The following HSF5 variants were observed in gnomAD, a reference collection of about 807,000 sequenced individuals.
HSF5 encodes the protein heat shock factor protein 5.
A neutral mutation model predicts 50.8 loss-of-function variants in HSF5; 5 were observed. That is an observed-to-expected ratio of 0.10 (90% CI 0.05 to 0.21). The LOEUF (loss-of-function observed/expected upper bound fraction) is 0.21. Ranked by LOEUF, HSF5 falls within the 10% of genes least tolerant of loss-of-function variation. HSF5 has a pLI of 1.00. For missense variants in HSF5, 564 were observed against 762.6 expected (o/e 0.74, Z 3.07); for synonymous variants, 307 against 307.4 (o/e 1.00, Z 0.02).
chr17:58,480,330 A>G (rs1206421944), intron 1 of HSF5, 63 bp from the exon 2 acceptor site: 55 of 1,479,216 alleles, frequency 3.7e-5, no homozygotes, highest in Non-Finnish European at 4.3e-5. Context: ...ATAGTAAACC[A>G]AAGGTCATAA....
chr17:58,439,201 C>T (rs1352402623), intron 5 of HSF5, among the ~76,000 whole-genome samples: 1 of 150,028 alleles, frequency 6.7e-6, no homozygotes, highest in Non-Finnish European at 1.5e-5. Context: ...CAACAGTTGA[C>T]AAATCTTGTC....
intron 2 of HSF5, among the ~76,000 whole-genome samples, chr17:58,471,984 G>A (rs979731238): frequency 7.3e-5 from 11 of 151,700 alleles, no homozygotes; most frequent in Admixed American, 2.0e-4. Context: ...CTCCCAAGTA[G>A]CTGGGACTAC....
intron 5 of HSF5, among the ~76,000 whole-genome samples, chr17:58,437,171 C>A (rs772519986): frequency 2.0e-5 from 3 of 152,084 alleles, no homozygotes; most frequent in Non-Finnish European, 4.4e-5. Context: ...ATGGACAAGT[C>A]TGGAATTACA....
chr17:58,463,441 A>G (rs910119105), intron 3 of HSF5, 138 bp from the exon 4 acceptor site: 1 of 688,474 alleles, frequency 1.5e-6, no homozygotes, highest in Middle Eastern at 4.1e-4. Flanking sequence ...CTAGACACTA[A>G]TCTACTTTTC....
chr17:58,485,859 G>T (rs12936949), intron 1 of HSF5, among the ~76,000 whole-genome samples: 1 of 149,986 alleles, frequency 6.7e-6, no homozygotes, highest in Non-Finnish European at 1.5e-5. Flanking sequence ...CTGAGGTCAG[G>T]AGTTCAAAAC....
At chr17:58,466,084 T>C (rs2143787166) in intron 3 of HSF5, among the ~76,000 whole-genome samples, 1 of 152,284 alleles carries the variant, frequency 6.6e-6, no homozygotes, top group East Asian at 1.9e-4. Context: ...CATAATTAGA[T>C]TTTATGTTTA....
chr17:58,452,533 C>T (rs1329683019), intron 5 of HSF5, among the ~76,000 whole-genome samples: 1 of 151,992 alleles, frequency 6.6e-6, no homozygotes, highest in Admixed American at 6.6e-5. Flanking sequence ...CAGGTGGCCT[C>T]GCATGGTGGC....
chr17:58,484,873 G>A (rs1248608180), intron 1 of HSF5, among the ~76,000 whole-genome samples: 10 of 151,730 alleles, frequency 6.6e-5, no homozygotes, highest in Non-Finnish European at 4.4e-5. Flanking sequence ...AACCCTGGGC[G>A]AAGGTTAAGT....
At chr17:58,442,762 G>A (rs1308237477) in intron 5 of HSF5, among the ~76,000 whole-genome samples, 3 of 152,132 alleles carry the variant, frequency 2.0e-5, no homozygotes, top group African/African-American at 7.2e-5. Context: ...TTTTGTTTGA[G>A]ATGTAGTCTC....
intron 5 of HSF5, among the ~76,000 whole-genome samples, chr17:58,435,220 G>C (rs1390291499): frequency 6.6e-6 from 1 of 152,178 alleles, no homozygotes; most frequent in Non-Finnish European, 1.5e-5. Context: ...AAATATTATA[G>C]GACTGCTGCA....
chr17:58,458,781 T>C lies in HSF5; in HGVS notation c.1707A>G (p.Gln569=), dbSNP rs771730089. The C allele has an allele frequency of 2.5e-6, 4 of 1,611,608 alleles. No individual in the cohort carries two copies. The East Asian group carries it at 8.9e-5, about 36-fold the overall frequency. The stretch of plus-strand genomic sequence containing the variant: ...AATAATCCTTACCAGGGGACTTTCC[T>C]TGTTGTGAGTTGCTTCTGTGCTCTC... ...RYREHRSNSQ[Q]GKSPDLHLLV... is the part of the protein sequence containing the mutation. Residue 569 remains glutamine (Q), a synonymous_variant, in exon 5 of 6, where the codon CAA becomes CAG. Coordinates refer to ENST00000323777, the MANE Select transcript of HSF5 (RefSeq NM_001080439.3).
rs866640754 is a variant in HSF5, at chr17:58,445,310, T to A, written c.1720+13458A>T. ...AAGAGATAGTTGGAGCCAGGCGCGG[T>A]GGCACACGCCTGTAGTCCCAGTACT... On this transcript the variant is annotated intron_variant, in intron 5 of 5. Transcript: ENST00000323777. 3.3e-5 allele frequency among the ~76,000 whole-genome samples: 5 copies of A among 152,286 alleles called. No homozygotes were observed. In the South Asian group the frequency reaches 6.2e-4, roughly 19 times the overall value.
chr17:58,446,137 C>CAA (rs575406434), intron 5 of HSF5, among the ~76,000 whole-genome samples: 33 of 47,790 alleles, frequency 6.9e-4, no homozygotes, highest in Admixed American at 1.2e-3. Context: ...AACTCCATCT[C>CAA]AAAAAAAAAA....
At chr17:58,481,311 G>A (rs1376554095) in intron 1 of HSF5, among the ~76,000 whole-genome samples, 3 of 152,100 alleles carry the variant, frequency 2.0e-5, no homozygotes, top group Non-Finnish European at 2.9e-5. Context: ...TCCAGGCCCA[G>A]AGATTCTGAT....
At chr17:58,450,182 CA>C (rs1252145235) in intron 5 of HSF5, among the ~76,000 whole-genome samples, 2 of 147,534 alleles carry the variant, frequency 1.4e-5, no homozygotes, top group Admixed American at 6.7e-5. Context: ...CCAAAAAATA[CA>C]AAAAAATTAG....
chr17:58,476,721 G>A lies in HSF5; in HGVS notation c.925+3172C>T, dbSNP rs1053388990. The A allele has an allele frequency of 1.2e-5, 19 of 1,592,770 alleles. No homozygotes were observed. The African/African-American group carries it at 2.2e-4, about 18-fold the overall frequency. ...TTGTTATCCAAAAATGTGGGATTTT[G>A]GCGATCAATTCTGATCTCTTCTGAA... On this transcript the variant is annotated intron_variant, in intron 2 of 5. Transcript: ENST00000323777.
chr17:58,435,617 G>A (rs1187501351), intron 5 of HSF5, among the ~76,000 whole-genome samples: 1 of 149,746 alleles, frequency 6.7e-6, no homozygotes, highest in Non-Finnish European at 1.5e-5. Context: ...ATAAACATAA[G>A]AACAGTAAAT....
chr17:58,451,692 C>T (rs1356325618), intron 5 of HSF5, among the ~76,000 whole-genome samples: 1 of 151,920 alleles, frequency 6.6e-6, no homozygotes, highest in Non-Finnish European at 1.5e-5. Context: ...CAAATGCTGT[C>T]CTACGAGGGA....
rs1178725340 is a variant in HSF5 at position 58,488,280 on chromosome 17, C to T, written c.-6G>A. 2.7e-6 allele frequency: 4 copies of T among 1,461,448 alleles called. No homozygotes were observed. The East Asian group carries it at 1.1e-4, about 38-fold the overall frequency. 90.5% of individuals were successfully genotyped at this position (1,461,448 alleles called of 1,614,324 possible). On this transcript the variant is annotated 5_prime_UTR_variant, in exon 1 of 6. Coordinates refer to ENST00000323777, the MANE Select transcript of HSF5 (RefSeq NM_001080439.3). This position sits in a 1 kb window ranked among gnomAD's most constrained non-coding sequence, Gnocchi z 4.1. ...GTGGAGAGCAGCGCCTCCATCGCCC[C>T]GCCGGGCCGGGGCCTCGCCCCCCGA...
Sources: allele counts gnomAD v4.1 joint callset (sites outside exome capture counted in the v4.1 genomes callset), GRCh38; gene constraint gnomAD v4.1.1; non-coding constraint Gnocchi (gnomAD v3.1); transcripts MANE v1.5; gene names NCBI Gene and HGNC (gene_info 2026-07-23, HGNC 2026-07-21).